RB1CC1: variants seen among roughly 807,000 people sequenced by gnomAD.
The protein encoded by RB1CC1 is RB1 inducible coiled-coil 1.
RB1CC1 carries 46 observed loss-of-function variants against 177.5 expected under a neutral mutation model. The observed-to-expected ratio is 0.26, with a 90% CI of 0.20 to 0.33. The LOEUF (loss-of-function observed/expected upper bound fraction) is 0.33, where lower values mean the gene tolerates loss of function less well. Ranked by LOEUF, RB1CC1 falls within the 10% of genes least tolerant of loss-of-function variation. RB1CC1 has a pLI of 1.00. For synonymous variants in RB1CC1, 666 were observed against 613.6 expected (o/e 1.09, Z -1.26); for missense variants, 1,703 against 1,816.3 (o/e 0.94, Z 1.13).
chr8:52,668,955 T>C (rs1214127231), intron 7 of RB1CC1, among the ~76,000 whole-genome samples: 1 of 152,218 alleles, frequency 6.6e-6, no homozygotes, highest in African/African-American at 2.4e-5. Context: ...CTAATCTTTC[T>C]AAAACAGATG....
chr8:52,647,261 G>A (rs1850130115), intron 15 of RB1CC1, among the ~76,000 whole-genome samples: 1 of 152,108 alleles, frequency 6.6e-6, no homozygotes, highest in African/African-American at 2.4e-5. Context: ...TGCAGAATAT[G>A]CAGTTTGAAA....
Position 52,676,370 on chromosome 8 carries a change from G to A in RB1CC1, c.571C>T (p.His191Tyr). 1 of 1,594,018 alleles carries A rather than the reference G, an allele frequency of 6.3e-7. No individual in the cohort carries two copies. Among genetic ancestry groups the A allele is most frequent in the South Asian group, 1.1e-5 (1 of 88,152 alleles). ...TATCCATTTTAATGGCAAACATACT[G>A]AGTAAGTTTTAACTTGATGTCTTCT... Reference protein sequence around the residue: ...SIEDIKLKLTHLGTAVSVMAK... With the variant: ...SIEDIKLKLTYLGTAVSVMAK... Residue 191 changes from histidine to tyrosine, a missense_variant and splice_region_variant, in exon 6 of 24, where the codon CAT becomes TAT. Transcript: ENST00000025008.
chr8:52,651,521 G>A (rs1031842163), intron 15 of RB1CC1, among the ~76,000 whole-genome samples: 1 of 152,184 alleles, frequency 6.6e-6, no homozygotes, highest in Non-Finnish European at 1.5e-5. Flanking sequence ...ATAGAAGCCT[G>A]GGGTTAACCA....
At position 52,656,321 on chromosome 8, in the gene RB1CC1, T is replaced by C; in HGVS notation, c.3508A>G (p.Lys1170Glu). Residue 1170 changes from lysine to glutamate, a missense_variant, in exon 15 of 24, where the codon AAA becomes GAA. Transcript: ENST00000025008. ...SLHNQAFEIE[K>E]NLKEQIIELQ... The stretch of plus-strand genomic sequence containing the variant: ...TCAATTATTTGTTCTTTTAGGTTTT[T>C]TTCTATTTCAAATGCTTGGTTATGC... 1 of 1,613,084 alleles carries C rather than the reference T, an allele frequency of 6.2e-7. No homozygotes were observed. Among genetic ancestry groups the C allele is most frequent in the Non-Finnish European group, 8.5e-7 (1 of 1,179,780 alleles).
chr8:52,707,431 TC>T (rs1214678071), intron 1 of RB1CC1, among the ~76,000 whole-genome samples: 7 of 120,752 alleles, frequency 5.8e-5, no homozygotes, highest in East Asian at 4.0e-4. Context: ...TTTCTTTCTT[TC>T]TTTTTTTTTT....
chr8:52,640,597 T>G (rs949093519), intron 18 of RB1CC1, among the ~76,000 whole-genome samples: 1 of 152,188 alleles, frequency 6.6e-6, no homozygotes, highest in South Asian at 2.1e-4. Context: ...TAGTAAACTT[T>G]CTGTATCATT....
At position 52,661,016 on chromosome 8, in the gene RB1CC1, G is replaced by A; in HGVS notation, c.1546-9C>T. The A allele has an allele frequency of 6.2e-7, 1 of 1,612,250 alleles. No homozygotes were observed. Among genetic ancestry groups the A allele is most frequent in the Non-Finnish European group, 8.5e-7 (1 of 1,179,382 alleles). On this transcript the variant is annotated splice_polypyrimidine_tract_variant and intron_variant, in intron 10 of 23. Coordinates refer to ENST00000025008, the MANE Select transcript of RB1CC1 (RefSeq NM_014781.5). ...ACTAAAGCACCAGCCCACTAGAAGA[G>A]GAAAGCTTATGTTAAACATAAACAT...
intron 7 of RB1CC1, among the ~76,000 whole-genome samples, chr8:52,673,366 A>G (rs1044638839): frequency 6.6e-6 from 1 of 152,218 alleles, no homozygotes; most frequent in African/African-American, 2.4e-5. Flanking sequence ...CAAGCTCACT[A>G]TAACTATAAA....
At position 52,672,893 on chromosome 8, in the gene RB1CC1, A is replaced by G. The variant is rs775865219; in HGVS notation, c.1002+952T>C. ...TTTAATTCATTTTTGGCAGTGATCA[A>G]TCTTTGCATAACATATTACATACTT... On this transcript the variant is annotated intron_variant, in intron 7 of 23. Transcript: ENST00000025008. Among the ~76,000 whole-genome samples, 64 of 152,256 alleles carry G rather than the reference A, an allele frequency of 4.2e-4. 1 individual carries two copies. The highest frequency in any genetic ancestry group is 8.1e-4 in the Non-Finnish European group (55 of 68,042).
chr8:52,674,362 C>A, intron 6 of RB1CC1, 88 bp from the exon 7 acceptor site: 1 of 1,152,628 alleles, frequency 8.7e-7, no homozygotes, highest in East Asian at 2.4e-5. Flanking sequence ...TATTATTATA[C>A]ACACAAATCT....
At chr8:52,659,040 T>C in intron 12 of RB1CC1, 64 bp from the exon 13 acceptor site, 5 of 797,676 alleles carry the variant, frequency 6.3e-6, no homozygotes, top group Non-Finnish European at 9.4e-6. Context: ...AGCAAATTTA[T>C]ATGATTTCTT....
chr8:52,695,054 G>A (rs550672056), intron 1 of RB1CC1, among the ~76,000 whole-genome samples: 41 of 152,280 alleles, frequency 2.7e-4, no homozygotes, highest in African/African-American at 9.6e-4. Flanking sequence ...AGGTTATCAA[G>A]TGGTTAACAA....
intron 1 of RB1CC1, among the ~76,000 whole-genome samples, chr8:52,709,476 T>C (rs1167713377): frequency 6.6e-6 from 1 of 152,290 alleles, no homozygotes; most frequent in Non-Finnish European, 1.5e-5. Flanking sequence ...CAGTGGCTCC[T>C]GCCTGTAATC....
chr8:52,703,711 A>T (rs1218405680), intron 1 of RB1CC1, among the ~76,000 whole-genome samples: 1 of 152,218 alleles, frequency 6.6e-6, no homozygotes, highest in Non-Finnish European at 1.5e-5. Flanking sequence ...ATGCCCTGCT[A>T]CACTTTTTTG....
At chr8:52,700,543 AAAAAG>A (rs1229883393) in intron 1 of RB1CC1, among the ~76,000 whole-genome samples, 1 of 152,166 alleles carries the variant, frequency 6.6e-6, no homozygotes, top group Admixed American at 6.5e-5. Flanking sequence ...TAGAAAAAAC[AAAAAG>A]AAAAGAAAAA....
intron 6 of RB1CC1, among the ~76,000 whole-genome samples, chr8:52,675,163 TA>T (rs912544128): frequency 6.6e-6 from 1 of 152,116 alleles, no homozygotes; most frequent in Non-Finnish European, 1.5e-5. Flanking sequence ...ATTTAAACTT[TA>T]AAAAGATCTT....
At chr8:52,626,253 T>A (rs1848382600) in intron 22 of RB1CC1, among the ~76,000 whole-genome samples, 1 of 152,196 alleles carries the variant, frequency 6.6e-6, no homozygotes, top group Non-Finnish European at 1.5e-5. Context: ...GGGGGTTTAT[T>A]AATGGTTAAG....
intron 1 of RB1CC1, among the ~76,000 whole-genome samples, chr8:52,690,719 T>G (rs1361071240): frequency 6.6e-6 from 1 of 152,218 alleles, no homozygotes; most frequent in Non-Finnish European, 1.5e-5. Flanking sequence ...TTTGTTTTGA[T>G]ATAATTCCAG....
In RB1CC1 at chr8:52,657,330, G is replaced by A; in HGVS notation, c.2499C>T (p.Phe833=). The change falls in exon 15 of 24, where the codon TTC becomes TTT. Residue 833 remains phenylalanine, a synonymous_variant. Transcript: ENST00000025008. ...CTGCTGTACATTTTAATGAATTTGA[G>A]AAGTCACACTGTTCTTTTTGTACAA... ...RTFVQKEQCD[F]SNSLKCTAVE... is the part of the protein sequence containing the mutation. 6.2e-7 allele frequency: 1 copy of A among 1,613,302 alleles called. No individual in the cohort carries two copies. The highest frequency in any genetic ancestry group is 8.5e-7 in the Non-Finnish European group (1 of 1,179,462).
Sources: gnomAD v4.1 joint callset for allele counts (sites outside exome capture counted in the v4.1 genomes callset) on GRCh38, gnomAD v4.1.1 for gene constraint, MANE v1.5 for transcripts, NCBI Gene and HGNC (gene_info 2026-07-23, HGNC 2026-07-21) for gene names.